The following NLGN4X variants were observed in gnomAD, a reference collection of about 807,000 sequenced individuals.
NLGN4X encodes neuroligin 4 X-linked.
In NLGN4X, 3 loss-of-function variants were observed where a neutral mutation model predicts 40.3. The ratio of observed to expected loss-of-function variants is 0.07; its 90% CI spans 0.03 to 0.19. The LOEUF is 0.19. Ranked by LOEUF, NLGN4X falls within the 10% of genes least tolerant of loss-of-function variation. The pLI, the probability that NLGN4X is intolerant of heterozygous loss-of-function variation, is 1.00. For synonymous variants in NLGN4X, 270 were observed against 306.8 expected, an observed-to-expected ratio of 0.88 and a Z score of 1.25; for missense variants, 382 against 708.3, an observed-to-expected ratio of 0.54 and a Z score of 5.23.
chrX:6,154,058 C>T (rs1220473357), intron 1 of NLGN4X, among the ~76,000 whole-genome samples: 2 of 112,130 alleles, frequency 1.8e-5, no homozygotes, highest in Non-Finnish European at 3.8e-5. Context: ...GTATAAATGA[C>T]ATTGTGAACC....
chrX:5,990,077 CCTCTCTCTCTCTCTCTCTCT>C (rs71839664), intron 3 of NLGN4X, among the ~76,000 whole-genome samples: 12 of 83,697 alleles, frequency 1.4e-4, no homozygotes, highest in Non-Finnish European at 2.5e-4. Flanking sequence ...TCTCTATTTT[CCTCTCTCTCTCTCTCTCTCT>C]CTCTCTCTCT....
At chrX:6,196,551 CAAAAAAAAAAAAAAAAA>C (rs374097705) in intron 1 of NLGN4X, among the ~76,000 whole-genome samples, 4 of 23,323 alleles carry the variant, frequency 1.7e-4, no homozygotes, top group Non-Finnish European at 3.4e-4. Flanking sequence ...GACTCTGTCT[CAAAAAAAAAAAAAAAAA>C]AAAAAAAAAA....
At chrX:6,072,678 A>G (rs747486764) in intron 2 of NLGN4X, among the ~76,000 whole-genome samples, 1 of 111,409 alleles carries the variant, frequency 9.0e-6, no homozygotes, top group African/African-American at 3.3e-5. Flanking sequence ...TACGGAGTCC[A>G]CCTCTGGGAT....
rs201205888 is a variant in NLGN4X, at chrX:6,184,546, GGGT to G, written c.-305-32778_-305-32776del. 6.0e-3 allele frequency among the ~76,000 whole-genome samples: 643 copies of G among 107,671 alleles called. 8 individuals carry two copies. The highest frequency in any genetic ancestry group is 0.021 in the African/African-American group (617 of 28,835). The allele number at this position is 107,671 out of a possible 115,157, so 93.5% of individuals were successfully genotyped here. A position where few individuals can be genotyped will look rare whatever the true frequency, so the allele number is the denominator to read the frequency against. On this transcript the variant is annotated intron_variant, in intron 1 of 5. Coordinates refer to ENST00000381095, the MANE Select transcript of NLGN4X (RefSeq NM_181332.3). ...ATGAGATCAGAACAAATGCTGGGGG[GGGT>G]GGGGAATCTCTTAGACTCAACACTC...
intron 3 of NLGN4X, among the ~76,000 whole-genome samples, chrX:5,999,553 T>C (rs1429476699): frequency 8.9e-6 from 1 of 112,435 alleles, no homozygotes; most frequent in African/African-American, 3.2e-5. Context: ...TGTGCATGCT[T>C]CTGGCTCTCA....
intron 3 of NLGN4X, among the ~76,000 whole-genome samples, chrX:5,953,007 TAG>T (rs1233791132): frequency 9.0e-6 from 1 of 111,317 alleles, no homozygotes; most frequent in Non-Finnish European, 1.9e-5. Flanking sequence ...TGGTGATATT[TAG>T]AGAGATCTTT....
chrX:5,996,601 C>CTTT (rs112441616), intron 3 of NLGN4X, among the ~76,000 whole-genome samples: 61 of 95,350 alleles, frequency 6.4e-4, no homozygotes, highest in African/African-American at 2.3e-3. Context: ...CCCTTTTCAC[C>CTTT]TTTTTTTTTT....
rs1219421031 is a variant in NLGN4X, at chrX:6,071,239, A to C, written c.473-41807T>G. ...CTCATATGAAATCTTTGCATAAGAC[A>C]GTAAAAAACCATCCAATAATAAATC... On this transcript the variant is annotated intron_variant, in intron 2 of 5. Transcript: ENST00000381095. 6.2e-5 allele frequency among the ~76,000 whole-genome samples: 7 copies of C among 112,148 alleles called. No individual in the cohort carries two copies. In the East Asian group the frequency reaches 2.0e-3, roughly 31 times the overall value.
intron 2 of NLGN4X, among the ~76,000 whole-genome samples, chrX:6,049,860 C>T (rs1190552125): frequency 9.0e-6 from 1 of 111,262 alleles, no homozygotes; most frequent in African/African-American, 3.3e-5. Context: ...ATTGTGATTA[C>T]TTCCAGTGCT....
At chrX:6,093,902 A>G (rs752671774) in intron 2 of NLGN4X, among the ~76,000 whole-genome samples, 3 of 111,965 alleles carry the variant, frequency 2.7e-5, no homozygotes, top group African/African-American at 9.7e-5. Context: ...ACCCCAAATC[A>G]GTAGTATTAT....
chrX:6,123,670 A>G (rs369634960), intron 2 of NLGN4X, among the ~76,000 whole-genome samples: 1 of 109,954 alleles, frequency 9.1e-6, no homozygotes, highest in Non-Finnish European at 1.9e-5. Flanking sequence ...TTGATAGCTA[A>G]TAAGACTAGA....
chrX:6,031,819 AG>A (rs1245193582), intron 2 of NLGN4X, among the ~76,000 whole-genome samples: 1 of 110,329 alleles, frequency 9.1e-6, no homozygotes, highest in Non-Finnish European at 1.9e-5. Context: ...TTGTGCAGAA[AG>A]GGCAGAAAAA....
At chrX:5,909,373 G>T in intron 3 of NLGN4X, 134 bp from the exon 4 acceptor site, 1 of 730,765 alleles carries the variant, frequency 1.4e-6, no homozygotes, top group Non-Finnish European at 2.0e-6. Flanking sequence ...ACCAATTAGA[G>T]GAAGAACAGG....
At position 6,218,466 on chromosome X, in the gene NLGN4X, G is replaced by A. The variant is rs1193183521; in HGVS notation, c.-306+10075C>T. On this transcript the variant is annotated intron_variant, in intron 1 of 5. Transcript: ENST00000381095. ...TTAACTTTTGAAATAGGACATGAGA[G>A]ATTAAACCCACACACACACACACAC... is the stretch of plus-strand genomic sequence containing the variant. Among the ~76,000 whole-genome samples, 4 of 72,946 alleles carry A rather than the reference G, an allele frequency of 5.5e-5. No individual in the cohort carries two copies. The East Asian group carries it at 1.2e-3, about 22-fold the overall frequency. 63.3% of individuals were successfully genotyped at this position (72,946 alleles called of 115,157 possible).
intron 1 of NLGN4X, among the ~76,000 whole-genome samples, chrX:6,178,450 A>G (rs1336476489): frequency 9.0e-6 from 1 of 111,715 alleles, no homozygotes; most frequent in Admixed American, 9.5e-5. Context: ...ATACTTTTGT[A>G]ATCAGTGGAC....
chrX:6,155,871 T>C (rs2040252440), intron 1 of NLGN4X, among the ~76,000 whole-genome samples: 1 of 112,052 alleles, frequency 8.9e-6, no homozygotes. Context: ...TCAGAATGGC[T>C]ATTCATAAAA....
intron 2 of NLGN4X, among the ~76,000 whole-genome samples, chrX:6,061,348 G>A (rs2037764736): frequency 1.8e-5 from 2 of 109,527 alleles, no homozygotes; most frequent in African/African-American, 3.3e-5. Context: ...ATAACACCAC[G>A]CCTCTAGATC....
chrX:6,044,056 G>C (rs1166012861), intron 2 of NLGN4X, among the ~76,000 whole-genome samples: 1 of 109,682 alleles, frequency 9.1e-6, no homozygotes, highest in Admixed American at 9.9e-5. Flanking sequence ...CTGCTTGAAC[G>C]CTGAAGTTTG....
chrX:6,204,302 A>G (rs1020909073), intron 1 of NLGN4X, among the ~76,000 whole-genome samples: 2 of 111,949 alleles, frequency 1.8e-5, no homozygotes, highest in Non-Finnish European at 3.8e-5. Flanking sequence ...TTTGAATGAT[A>G]AGCCTAGCAT....
Sources: gnomAD v4.1 joint callset for allele counts (sites outside exome capture counted in the v4.1 genomes callset) on GRCh38, gnomAD v4.1.1 for gene constraint, MANE v1.5 for transcripts, NCBI Gene and HGNC (gene_info 2026-07-23, HGNC 2026-07-21) for gene names.